LSG1: variants seen among roughly 807,000 people sequenced by gnomAD.
The protein encoded by LSG1 is large 60S subunit nuclear export GTPase 1.
In LSG1, 55 loss-of-function variants were observed where a neutral mutation model predicts 82.6. The ratio of observed to expected loss-of-function variants is 0.67; its 90% CI spans 0.54 to 0.83. The LOEUF is 0.83. Ranked by LOEUF, LSG1 falls within the 40% of genes least tolerant of loss-of-function variation. The probability of loss-of-function intolerance (pLI) is 0.00; values close to 1 mark genes in which losing one functional copy is unlikely to be tolerated. For missense variants in LSG1, 809 were observed against 807.9 expected (o/e 1.00, Z -0.02); for synonymous variants, 272 against 282.5 (o/e 0.96, Z 0.37).
rs1718515576 is a variant in LSG1, at chr3:194,645,537, C to CACACACACACAGACAG, written c.1623+626_1623+627insCTGTCTGTGTGTGTGT. On this transcript the variant is annotated intron_variant, in intron 12 of 13. Coordinates refer to ENST00000265245, the MANE Select transcript of LSG1 (RefSeq NM_018385.3). ...ACACACACACACACACACAGACAGACACACACACACACACACACACACACA... is the reference window on the plus strand; with the variant it reads ...ACACACACACACACACACAGACAGACACACACACACAGACAGACACACACACACACACACACACACA... 12 of 27,276 alleles carry CACACACACACAGACAG rather than the reference C, an allele frequency of 4.4e-4. 1 individual carries two copies. Among genetic ancestry groups the CACACACACACAGACAG allele is most frequent in the South Asian group, 1.6e-3 (1 of 638 alleles). 1.7% of individuals were successfully genotyped at this position (27,276 alleles called of 1,614,324 possible). A position where few individuals can be genotyped will look rare whatever the true frequency, so the allele number is the denominator to read the frequency against.
intron 2 of LSG1, 127 bp downstream of exon 2, chr3:194,669,882 T>C (rs532794666): frequency 2.8e-6 from 3 of 1,085,990 alleles, no homozygotes; most frequent in East Asian, 2.5e-5. Context: ...AGTGAGCTGA[T>C]ATCACGCCAC....
At chr3:194,645,615 CACACACAG>C (rs1718534106) in intron 12 of LSG1, among the ~76,000 whole-genome samples, 5 of 143,896 alleles carry the variant, frequency 3.5e-5, no homozygotes, top group African/African-American at 1.0e-4. Flanking sequence ...CACACACACA[CACACACAG>C]AGTTTTCATT....
rs1471372936 is a variant in LSG1 at position 194,641,240 on chromosome 3, A to G, written c.*828T>C. 6.6e-6 allele frequency: 1 copy of G among 152,230 alleles called. No homozygotes were observed. The highest frequency in any genetic ancestry group is 1.9e-4 in the East Asian group (1 of 5,200). 9.4% of individuals were successfully genotyped at this position (152,230 alleles called of 1,614,324 possible). A position where few individuals can be genotyped will look rare whatever the true frequency, so the allele number is the denominator to read the frequency against. On this transcript the variant is annotated 3_prime_UTR_variant, in exon 14 of 14. Transcript: ENST00000265245. ...AGTGTGTAATTCAATGGTCTTAAGC[A>G]TATTCAGAGTTGTGTGACCATCGCT...
chr3:194,657,458 GTTTTTT>G (rs58115258), intron 7 of LSG1, among the ~76,000 whole-genome samples: 18 of 139,152 alleles, frequency 1.3e-4, no homozygotes, highest in Non-Finnish European at 1.8e-4. Flanking sequence ...TGCTTAGTAA[GTTTTTT>G]TTTTTTTTTT....
intron 11 of LSG1, among the ~76,000 whole-genome samples, chr3:194,647,991 T>G (rs1322996466): frequency 6.6e-6 from 1 of 151,820 alleles, no homozygotes. Context: ...CAGTAAATAC[T>G]CAAATAAGCT....
At position 194,645,541 on chromosome 3, in the gene LSG1, C is replaced by CACACACACACACAGACAG. The variant is rs1560219676; in HGVS notation, c.1623+622_1623+623insCTGTCTGTGTGTGTGTGT. On this transcript the variant is annotated intron_variant, in intron 12 of 13. Transcript: ENST00000265245. ...ACACACACACACACAGACAGACACA[C>CACACACACACACAGACAG]ACACACACACACACACACACACACA... 232 of 40,768 alleles carry CACACACACACACAGACAG rather than the reference C, an allele frequency of 5.7e-3. 16 individuals are homozygous for CACACACACACACAGACAG. The highest frequency in any genetic ancestry group is 0.012 in the Admixed American group (46 of 3,696). 2.5% of individuals were successfully genotyped at this position (40,768 alleles called of 1,614,324 possible).
chr3:194,667,942 A>AAAAAAAAATATATATATAT (rs1416407494), intron 2 of LSG1, among the ~76,000 whole-genome samples: 1 of 86,962 alleles, frequency 1.1e-5, no homozygotes, highest in Non-Finnish European at 2.0e-5. Context: ...AAAAAAAAAA[A>AAAAAAAAATATATATATAT]ATATATATAT....
chr3:194,667,607 G>A (rs951159163), intron 2 of LSG1, among the ~76,000 whole-genome samples: 1 of 151,756 alleles, frequency 6.6e-6, no homozygotes, highest in African/African-American at 2.4e-5. Context: ...AACTGTTCTG[G>A]CAGATATTAC....
In LSG1 at chr3:194,652,656, G is replaced by A; in HGVS notation, c.1173+73C>T. On this transcript the variant is annotated intron_variant, in intron 8 of 13. Transcript: ENST00000265245. The stretch of plus-strand genomic sequence containing the variant: ...GCCGGAAGCCTGGTTGGTCTTTGGG[G>A]TCGTGCAGCTACTGAAAAATGGGGA... 3 of 1,514,484 alleles carry A rather than the reference G, an allele frequency of 2.0e-6. No individual in the cohort carries two copies. The South Asian group carries it at 3.8e-5, about 19-fold the overall frequency. The allele number at this position is 1,514,484 out of a possible 1,614,324, so 93.8% of individuals were successfully genotyped here. A position where few individuals can be genotyped will look rare whatever the true frequency, so the allele number is the denominator to read the frequency against.
At position 194,645,593 on chromosome 3, in the gene LSG1, C is replaced by CACACACACAGACAGACAG. The variant is rs1560219925; in HGVS notation, c.1623+570_1623+571insCTGTCTGTCTGTGTGTGT. Among the ~76,000 whole-genome samples, 111 of 100,224 alleles carry CACACACACAGACAGACAG rather than the reference C, an allele frequency of 1.1e-3. 10 individuals carry two copies. The highest frequency in any genetic ancestry group is 4.5e-3 in the African/African-American group (107 of 23,534). The allele number at this position is 100,224 out of a possible 152,430, so 65.8% of individuals were successfully genotyped here. A position where few individuals can be genotyped will look rare whatever the true frequency, so the allele number is the denominator to read the frequency against. The stretch of plus-strand genomic sequence containing the variant: ...ACAGACAGACACACACACACACACA[C>CACACACACAGACAGACAG]ACACACACACACACACACACACACA... On this transcript the variant is annotated intron_variant, in intron 12 of 13. Coordinates refer to ENST00000265245, the MANE Select transcript of LSG1 (RefSeq NM_018385.3).
chr3:194,642,314 C>T, intron 13 of LSG1, 67 bp from the exon 14 acceptor site: 1 of 1,345,456 alleles, frequency 7.4e-7, no homozygotes, highest in South Asian at 1.4e-5. Context: ...ATGCACAGTA[C>T]TATTAGTGGA....
rs1560222064 is a variant in LSG1, at chr3:194,650,872, A to G, written c.1419+9T>C. The G allele has an allele frequency of 6.2e-7, 1 of 1,606,402 alleles. No individual in the cohort carries two copies. On this transcript the variant is annotated intron_variant, in intron 10 of 13. Transcript: ENST00000265245. The stretch of plus-strand genomic sequence containing the variant: ...AATAACTAGAGTGTTTCCAAAGCAG[A>G]AAGGATATTAGTGATACAGGAGGAA...
intron 10 of LSG1, among the ~76,000 whole-genome samples, chr3:194,649,795 G>A (rs1246436482): frequency 6.6e-6 from 1 of 152,134 alleles, no homozygotes; most frequent in Non-Finnish European, 1.5e-5. Context: ...TTACAAGCCA[G>A]CGGATTAGTG....
rs1233380807 is a variant in LSG1, at chr3:194,642,079, G to A, written c.1966C>T (p.Leu656=). 1 of 1,612,384 alleles carries A rather than the reference G, an allele frequency of 6.2e-7. No homozygotes were observed. The highest frequency in any genetic ancestry group is 8.5e-7 in the Non-Finnish European group (1 of 1,179,976). Residue 656 remains leucine, a synonymous_variant, in exon 14 of 14, where the codon CTG becomes TTG. Coordinates refer to ENST00000265245, the MANE Select transcript of LSG1 (RefSeq NM_018385.3). ...GTTGCAGCCCAACCTCACATATCCAGGTGCTTGTAGAGTCTACGACTTTTT... is the reference window on the plus strand; with the variant it reads ...GTTGCAGCCCAACCTCACATATCCAAGTGCTTGTAGAGTCTACGACTTTTT... ...KEKSRRLYKH[L]DM
chr3:194,649,905 GTTTTT>G (rs200467137), intron 10 of LSG1, among the ~76,000 whole-genome samples: 1 of 148,672 alleles, frequency 6.7e-6, no homozygotes, highest in Non-Finnish European at 1.5e-5. Context: ...AGACCTTGCA[GTTTTT>G]TTTTTCTTTC....
Position 194,651,114 on chromosome 3 carries a change from C to T in LSG1, c.1275+1G>A, listed in dbSNP as rs748329222. Reference sequence around the variant, plus strand: ...CAAGTGGCAAAGCACCACAGAAATACCTGAAAGTGCTTTGTGTGACCAGGT... The same window carrying T: ...CAAGTGGCAAAGCACCACAGAAATATCTGAAAGTGCTTTGTGTGACCAGGT... On this transcript the variant is annotated splice_donor_variant, in intron 9 of 13. Transcript: ENST00000265245. LOFTEE classifies it high-confidence loss of function. 5 of 1,613,984 alleles carry T rather than the reference C, an allele frequency of 3.1e-6. No homozygotes were observed. The Admixed American group carries it at 6.7e-5, about 22-fold the overall frequency.
intron 5 of LSG1, among the ~76,000 whole-genome samples, chr3:194,661,447 C>T (rs1442752394): frequency 6.6e-6 from 1 of 152,202 alleles, no homozygotes; most frequent in East Asian, 1.9e-4. Context: ...AAGACAGCTG[C>T]TTCATGTGCT....
At chr3:194,667,687 G>C (rs1195088245) in intron 2 of LSG1, among the ~76,000 whole-genome samples, 2 of 151,428 alleles carry the variant, frequency 1.3e-5, no homozygotes. Flanking sequence ...ACTTTGGGAG[G>C]GCAAGGTGGG....
chr3:194,644,783 A>C, intron 12 of LSG1, 37 bp from the exon 13 acceptor site: 8 of 1,549,172 alleles, frequency 5.2e-6, no homozygotes, highest in South Asian at 1.2e-5. Context: ...GTGCAGCCTA[A>C]GTGCCATCTG....
Sources: allele counts gnomAD v4.1 joint callset (sites outside exome capture counted in the v4.1 genomes callset), GRCh38; gene constraint gnomAD v4.1.1; transcripts MANE v1.5; gene names NCBI Gene and HGNC (gene_info 2026-07-23, HGNC 2026-07-21).